Variants in GRIK2 observed in about 807,000 individuals in gnomAD.
GRIK2 encodes the protein glutamate receptor ionotropic, kainate 2.
GRIK2 carries 32 observed loss-of-function variants against 100.3 expected under a neutral mutation model. The observed-to-expected ratio is 0.32, with a 90% confidence interval of 0.24 to 0.43. The LOEUF (loss-of-function observed/expected upper bound fraction) is 0.43. GRIK2 is among the 20% of genes least tolerant of loss of function. The probability of loss-of-function intolerance (pLI) is 1.00; values close to 1 mark genes in which losing one functional copy is unlikely to be tolerated. For synonymous variants in GRIK2, 417 were observed against 389.4 expected (o/e 1.07, Z -0.83); for missense variants, 843 against 1,114.9 (o/e 0.76, Z 3.47).
intron 10 of GRIK2, among the ~76,000 whole-genome samples, chr6:101,829,783 G>T (rs1782562099): frequency 6.6e-6 from 1 of 151,760 alleles, no homozygotes. Flanking sequence ...AAATGGAAAA[G>T]CATTCCATGC....
chr6:101,512,319 A>G lies in GRIK2; in HGVS notation c.116-109630A>G, dbSNP rs1173538487. 2.6e-5 allele frequency among the ~76,000 whole-genome samples: 4 copies of G among 152,158 alleles called. No individual in the cohort carries two copies. In the East Asian group the frequency reaches 7.7e-4, roughly 29 times the overall value. The stretch of plus-strand genomic sequence containing the variant: ...ACAGAAATAGGTAATGCAATTGAGT[A>G]TGAACCATTATTTTTTAAAAATTTG... On this transcript the variant is annotated intron_variant, in intron 2 of 16. Transcript: ENST00000369134.
At chr6:101,665,949 T>G (rs965900939) in intron 4 of GRIK2, among the ~76,000 whole-genome samples, 2 of 152,160 alleles carry the variant, frequency 1.3e-5, no homozygotes, top group Non-Finnish European at 2.9e-5. Context: ...TTGGGAATAC[T>G]GTTTGTAGTA....
intron 7 of GRIK2, among the ~76,000 whole-genome samples, chr6:101,785,213 A>G (rs1779347596): frequency 6.6e-6 from 1 of 151,938 alleles, no homozygotes; most frequent in Non-Finnish European, 1.5e-5. Flanking sequence ...TATTGATCCC[A>G]TGTGAGACAA....
At chr6:101,713,393 C>T (rs947211684) in intron 7 of GRIK2, among the ~76,000 whole-genome samples, 13 of 151,494 alleles carry the variant, frequency 8.6e-5, no homozygotes, top group African/African-American at 1.2e-4. Flanking sequence ...TAATTCGGTT[C>T]GTGAAGACTG....
chr6:101,438,661 G>A (rs183871600), intron 2 of GRIK2, among the ~76,000 whole-genome samples: 9 of 152,180 alleles, frequency 5.9e-5, no homozygotes, highest in East Asian at 3.9e-4. Context: ...TAATAAATGC[G>A]TGAAATCATT....
intron 11 of GRIK2, among the ~76,000 whole-genome samples, chr6:101,868,062 T>C (rs1029185997): frequency 6.4e-5 from 9 of 140,918 alleles, no homozygotes; most frequent in African/African-American, 2.5e-4. Context: ...AAATTGACAT[T>C]ATAGAGACCT....
intron 2 of GRIK2, among the ~76,000 whole-genome samples, chr6:101,484,719 G>C (rs188609092): frequency 2.0e-5 from 3 of 151,980 alleles, no homozygotes; most frequent in Non-Finnish European, 2.9e-5. Flanking sequence ...TTTTCTTCAG[G>C]TGTCAGAGAA....
intron 10 of GRIK2, among the ~76,000 whole-genome samples, chr6:101,849,240 C>T (rs1467196285): frequency 6.6e-6 from 1 of 151,664 alleles, no homozygotes; most frequent in African/African-American, 2.4e-5. Flanking sequence ...AAAGAAAAAC[C>T]CCCAAACCAA....
chr6:102,038,673 C>A (rs1253363009), intron 15 of GRIK2, among the ~76,000 whole-genome samples: 1 of 150,916 alleles, frequency 6.6e-6, no homozygotes. Flanking sequence ...AAAAGGAATT[C>A]ATTAAGGTGT....
At chr6:101,693,990 G>T (rs1054259908) in intron 7 of GRIK2, among the ~76,000 whole-genome samples, 2 of 152,056 alleles carry the variant, frequency 1.3e-5, no homozygotes, top group Admixed American at 6.6e-5. Context: ...CGTTCAGGAA[G>T]GAGGGCCCCT....
chr6:101,822,636 A>G (rs1001438198), intron 10 of GRIK2, among the ~76,000 whole-genome samples: 1 of 152,156 alleles, frequency 6.6e-6, no homozygotes, highest in African/African-American at 2.4e-5. Flanking sequence ...TGTGTCCCAG[A>G]CATAGTTTGA....
chr6:101,684,255 G>T (rs1771506150), intron 6 of GRIK2, among the ~76,000 whole-genome samples: 1 of 152,112 alleles, frequency 6.6e-6, no homozygotes, highest in African/African-American at 2.4e-5. Context: ...CTCAGCATAA[G>T]CGTAAGATTT....
intron 2 of GRIK2, among the ~76,000 whole-genome samples, chr6:101,413,301 AAG>A (rs1775968244): frequency 6.6e-6 from 1 of 152,020 alleles, no homozygotes; most frequent in Non-Finnish European, 1.5e-5. Context: ...TTCTTCAAGA[AAG>A]AGAGATGAAG....
chr6:101,517,748 T>C (rs1774659503), intron 2 of GRIK2, among the ~76,000 whole-genome samples: 1 of 152,176 alleles, frequency 6.6e-6, no homozygotes, highest in South Asian at 2.1e-4. Flanking sequence ...TTTAGTAATA[T>C]TTGTTTCTTC....
At chr6:101,799,279 G>T (rs986527625) in intron 7 of GRIK2, among the ~76,000 whole-genome samples, 162 of 101,756 alleles carry the variant, frequency 1.6e-3, no homozygotes, top group African/African-American at 5.1e-3. Context: ...TGTACTCATT[G>T]TGTGTGTGTG....
chr6:101,760,590 A>AT (rs1777516369), intron 7 of GRIK2, among the ~76,000 whole-genome samples: 1 of 90,432 alleles, frequency 1.1e-5, no homozygotes, highest in Non-Finnish European at 1.8e-5. Context: ...ATATATAATT[A>AT]TATATAATTA....
At position 101,818,341 on chromosome 6, in the gene GRIK2, A is replaced by G. The variant is rs55749135; in HGVS notation, c.1204-29A>G. ...CTCTCTACCACGTGCCTGATGGACA[A>G]TTTACAAAGTACATATGCTATTTTA... is the stretch of plus-strand genomic sequence containing the variant. On this transcript the variant is annotated intron_variant, in intron 9 of 16. Transcript: ENST00000369134. The G allele has an allele frequency of 1.0e-3, 1,289 of 1,283,376 alleles. 10 individuals are homozygous for G. The highest frequency in any genetic ancestry group is 7.0e-3 in the Middle Eastern group (38 of 5,420). The allele number at this position is 1,283,376 out of a possible 1,614,324, so 79.5% of individuals were successfully genotyped here.
intron 2 of GRIK2, among the ~76,000 whole-genome samples, chr6:101,617,842 G>C (rs501853): frequency 0.23 from 35,366 of 151,324 alleles, 5,235 homozygotes; most frequent in African/African-American, 0.41. Flanking sequence ...CTCTCCCTCT[G>C]TCACACACAC....
At chr6:101,989,973 A>G (rs2128491920) in intron 14 of GRIK2, among the ~76,000 whole-genome samples, 1 of 151,784 alleles carries the variant, frequency 6.6e-6, no homozygotes, top group Admixed American at 6.6e-5. Context: ...TGCTTCATCA[A>G]TCATTAGAGG....
Sources: allele counts gnomAD v4.1 joint callset (sites outside exome capture counted in the v4.1 genomes callset), GRCh38; gene constraint gnomAD v4.1.1; transcripts MANE v1.5; gene names NCBI Gene and HGNC (gene_info 2026-07-23, HGNC 2026-07-21).